The following SDK2 variants were observed in gnomAD, a reference collection of about 807,000 sequenced individuals.
SDK2 encodes sidekick cell adhesion molecule 2.
In SDK2, 105 loss-of-function variants were observed where a neutral mutation model predicts 253.9. The ratio of observed to expected loss-of-function variants is 0.41; its 90% CI spans 0.35 to 0.49. SDK2 has a LOEUF of 0.49. Among genes scored for constraint, SDK2 ranks in the 20% least tolerant of loss-of-function variants. The pLI is 0.06. For synonymous variants in SDK2, 1,249 were observed against 1,234.9 expected, an observed-to-expected ratio of 1.01 and a Z score of -0.24; for missense variants, 2,608 against 3,003.0, an observed-to-expected ratio of 0.87 and a Z score of 3.07.
chr17:73,546,125 C>CAG (rs1303504151), intron 1 of SDK2, among the ~76,000 whole-genome samples: 5 of 152,012 alleles, frequency 3.3e-5, no homozygotes, highest in Admixed American at 2.6e-4. Context: ...TGAGGAGAGG[C>CAG]AGAGAGAGAG....
chr17:73,567,552 A>G (rs1241719869), intron 1 of SDK2, among the ~76,000 whole-genome samples: 2 of 152,244 alleles, frequency 1.3e-5, no homozygotes, highest in African/African-American at 4.8e-5. Flanking sequence ...AGCCACCAAC[A>G]GCTTACAACC....
In SDK2 at chr17:73,390,457, T is replaced by G. The variant is rs1212360780; in HGVS notation, c.4022A>C (p.Asn1341Thr). The change falls in exon 29 of 45, where the codon AAC becomes ACC. Residue 1341 changes from asparagine (N) to threonine (T), a missense_variant. Transcript: ENST00000392650. ...AGTGGCGGTGTTGGCCGTGGTGGTG[T>G]TGAGCCGGTGTGTGATCTGGTAAGC... Reference protein sequence around the residue: ...ILAYQITHRLNTTTANTATVE... With the variant: ...ILAYQITHRLTTTTANTATVE... 1.2e-6 allele frequency: 2 copies of G among 1,612,586 alleles called. No individual in the cohort carries two copies. The highest frequency in any genetic ancestry group is 2.2e-5 in the South Asian group (2 of 90,842).
intron 1 of SDK2, among the ~76,000 whole-genome samples, chr17:73,585,505 G>GT (rs1034516409): frequency 1.3e-5 from 2 of 152,196 alleles, no homozygotes; most frequent in Non-Finnish European, 2.9e-5. Flanking sequence ...CTGCGGGTCT[G>GT]TGGGCCACAC....
At chr17:73,370,310 A>C (rs1453826197) in intron 36 of SDK2, among the ~76,000 whole-genome samples, 2 of 151,870 alleles carry the variant, frequency 1.3e-5, no homozygotes, top group Non-Finnish European at 2.9e-5. Context: ...TGGCACGATC[A>C]CAGCTCACTG....
chr17:73,368,783 GT>G (rs2062708906), intron 36 of SDK2, among the ~76,000 whole-genome samples, 190 bp from the exon 37 acceptor site: 1 of 152,160 alleles, frequency 6.6e-6, no homozygotes, highest in African/African-American at 2.4e-5. Flanking sequence ...GCAGAGGTGG[GT>G]GGATCACTTG....
At chr17:73,375,438 G>A (rs1376559533) in intron 36 of SDK2, among the ~76,000 whole-genome samples, 1 of 151,634 alleles carries the variant, frequency 6.6e-6, no homozygotes, top group Non-Finnish European at 1.5e-5. Context: ...GTAGAGACAG[G>A]CTTTTACCAT....
chr17:73,407,690 T>C (rs1001159213), intron 18 of SDK2, among the ~76,000 whole-genome samples: 3 of 152,154 alleles, frequency 2.0e-5, no homozygotes, highest in Admixed American at 2.0e-4. Context: ...CTCTGCCTCA[T>C]CCTCCCAAAG....
At chr17:73,470,078 C>G (rs1378794020) in intron 3 of SDK2, among the ~76,000 whole-genome samples, 4 of 149,292 alleles carry the variant, frequency 2.7e-5, no homozygotes, top group African/African-American at 9.9e-5. Context: ...GCAGATTACT[C>G]CAGACATGCA....
intron 37 of SDK2, among the ~76,000 whole-genome samples, chr17:73,368,045 T>G (rs1219317790): frequency 1.3e-5 from 2 of 151,904 alleles, no homozygotes; most frequent in African/African-American, 4.8e-5. Context: ...TCAGTATTTG[T>G]GGAATGAACA....
intron 9 of SDK2, among the ~76,000 whole-genome samples, chr17:73,434,388 C>T (rs774631911): frequency 5.9e-5 from 9 of 152,188 alleles, no homozygotes; most frequent in Non-Finnish European, 7.3e-5. Flanking sequence ...GCCAGATGGG[C>T]GTGGGAACAG....
intron 3 of SDK2, among the ~76,000 whole-genome samples, chr17:73,459,997 A>G (rs2063553010): frequency 6.6e-6 from 1 of 151,786 alleles, no homozygotes; most frequent in African/African-American, 2.4e-5. Flanking sequence ...CTATTCACAT[A>G]CTCTTTTTAC....
At chr17:73,369,011 CAAA>C (rs56761775) in intron 36 of SDK2, 813 of 253,842 alleles carry the variant, frequency 3.2e-3, no homozygotes, top group South Asian at 4.8e-3. Context: ...GACTCCATCT[CAAA>C]AAAAAAAAAA....
chr17:73,487,542 T>A (rs2063777268), intron 2 of SDK2, among the ~76,000 whole-genome samples: 1 of 152,140 alleles, frequency 6.6e-6, no homozygotes, highest in Non-Finnish European at 1.5e-5. Context: ...CTGCTCACAG[T>A]GAGGTGTGGG....
In SDK2 at chr17:73,625,714, G is replaced by A. The variant is rs569852766; in HGVS notation, c.64+18311C>T. Among the ~76,000 whole-genome samples the A allele has an allele frequency of 5.3e-5, 8 of 151,842 alleles. No individual in the cohort carries two copies. In the South Asian group the frequency reaches 1.0e-3, roughly 20 times the overall value. On this transcript the variant is annotated intron_variant, in intron 1 of 44. Coordinates refer to ENST00000392650, the MANE Select transcript of SDK2 (RefSeq NM_001144952.2). ...GGCTGGAGTGCAGTGGTGCAATCTCGGCTCACTGCAACATCTGCCTCCCCG... is the reference window on the plus strand; with the variant it reads ...GGCTGGAGTGCAGTGGTGCAATCTCAGCTCACTGCAACATCTGCCTCCCCG...
At position 73,566,319 on chromosome 17, in the gene SDK2, ATGTGTGTGTGTGTGTGTGTGTG is replaced by A. The variant is rs55940592; in HGVS notation, c.65-58744_65-58723del. Among the ~76,000 whole-genome samples, 321 of 139,416 alleles carry A rather than the reference ATGTGTGTGTGTGTGTGTGTGTG, an allele frequency of 2.3e-3. 9 individuals carry two copies. In the East Asian group the frequency reaches 0.057, roughly 25 times the overall value. 91.5% of individuals were successfully genotyped at this position (139,416 alleles called of 152,430 possible). Reference sequence around the variant, plus strand: ...AGCCAAATAAAATTCTTATATATATATGTGTGTGTGTGTGTGTGTGTGTGTGTGTGTGTGTGTTACCCAGTCT... The same window carrying A: ...AGCCAAATAAAATTCTTATATATATATGTGTGTGTGTGTGTTACCCAGTCT... On this transcript the variant is annotated intron_variant, in intron 1 of 44. Coordinates refer to ENST00000392650, the MANE Select transcript of SDK2 (RefSeq NM_001144952.2).
intron 5 of SDK2, 120 bp from the exon 6 acceptor site, chr17:73,441,043 G>C: frequency 4.2e-6 from 3 of 716,784 alleles, no homozygotes; most frequent in Non-Finnish European, 7.0e-6. Context: ...GGTGGCCATG[G>C]GGGCAGCCCC....
At chr17:73,393,822 C>A (rs1315991583) in intron 26 of SDK2, 73 bp from the exon 27 acceptor site, 20 of 1,251,504 alleles carry the variant, frequency 1.6e-5, no homozygotes, top group Admixed American at 5.0e-5. Context: ...CGAGTCTCAT[C>A]CCCAGGATGA....
In SDK2 at chr17:73,383,836, C is replaced by T. The variant is rs1030747472; in HGVS notation, c.4705+40G>A. Reference sequence around the variant, plus strand: ...GAGCGGGAAGGTGAGGGTGACCGCCCCCATCCCACCCATTCCTCTGGCTCC... The same window carrying T: ...GAGCGGGAAGGTGAGGGTGACCGCCTCCATCCCACCCATTCCTCTGGCTCC... On this transcript the variant is annotated intron_variant, in intron 33 of 44. Transcript: ENST00000392650. The surrounding 1 kb of genome is among the most constrained non-coding windows in gnomAD (Gnocchi z 4.3). The T allele has an allele frequency of 3.1e-6, 5 of 1,609,740 alleles. No homozygotes were observed. Among genetic ancestry groups the T allele is most frequent in the Non-Finnish European group, 4.3e-6 (5 of 1,176,444 alleles).
At position 73,541,699 on chromosome 17, in the gene SDK2, G is replaced by C. The variant is rs1458736485; in HGVS notation, c.65-34102C>G. 6.6e-6 allele frequency among the ~76,000 whole-genome samples: 1 copy of C among 152,196 alleles called. No individual in the cohort carries two copies. Among genetic ancestry groups the C allele is most frequent in the East Asian group, 1.9e-4 (1 of 5,196 alleles). ...ATATGAAAATGAGTTTGCCCAGAAT[G>C]CACAGCGGCAGAAGGAAGGGGGCGC... On this transcript the variant is annotated intron_variant, in intron 1 of 44. Coordinates refer to ENST00000392650, the MANE Select transcript of SDK2 (RefSeq NM_001144952.2). This position sits in a 1 kb window ranked among gnomAD's most constrained non-coding sequence, Gnocchi z 4.3.
Sources: gnomAD v4.1 joint callset for allele counts (sites outside exome capture counted in the v4.1 genomes callset) on GRCh38, gnomAD v4.1.1 for gene constraint, Gnocchi (gnomAD v3.1) non-coding constraint, MANE v1.5 for transcripts, NCBI Gene and HGNC (gene_info 2026-07-23, HGNC 2026-07-21) for gene names.